The following KIAA1210 variants were observed in gnomAD, a reference collection of about 807,000 sequenced individuals.
The protein encoded by KIAA1210 is KIAA1210, also known as acrosomal protein KIAA1210.
KIAA1210 carries 48 observed loss-of-function variants against 78.9 expected under a neutral mutation model. The observed-to-expected ratio is 0.61, with a 90% CI of 0.48 to 0.77. The LOEUF (loss-of-function observed/expected upper bound fraction) is 0.77, where lower values mean the gene tolerates loss of function less well. Among genes scored for constraint, KIAA1210 ranks in the 30% least tolerant of loss-of-function variants. KIAA1210 has a pLI of 0.00. For synonymous variants in KIAA1210, 406 were observed against 404.5 expected (o/e 1.00, Z -0.04); for missense variants, 1,108 against 1,100.0 (o/e 1.01, Z -0.10).
upstream of KIAA1210, among the ~76,000 whole-genome samples, chrX:119,131,897 A>C (rs550469545): frequency 1.8e-5 from 2 of 112,417 alleles, no homozygotes; most frequent in Admixed American, 1.9e-4. Flanking sequence ...CAACACAGGA[A>C]GACCCGTCTC....
upstream of KIAA1210, among the ~76,000 whole-genome samples, chrX:119,130,179 C>T (rs1335437248): frequency 8.9e-6 from 1 of 112,214 alleles, no homozygotes; most frequent in East Asian, 2.8e-4. Flanking sequence ...AAGTTCTTAA[C>T]ACTCAAGGCC....
intron 6 of KIAA1210, among the ~76,000 whole-genome samples, chrX:119,100,808 T>C (rs188353674): frequency 2.8e-4 from 31 of 112,485 alleles, no homozygotes; most frequent in Admixed American, 2.6e-3. Flanking sequence ...CTCCCACTTA[T>C]AAAGGAGAAC....
intron 7 of KIAA1210, 146 bp downstream of exon 7, chrX:119,096,348 G>T: frequency 2.0e-6 from 1 of 492,394 alleles, no homozygotes; most frequent in Non-Finnish European, 3.2e-6. Context: ...GGGGTGTCAA[G>T]CTTAGGACAG....
intron 3 of KIAA1210, among the ~76,000 whole-genome samples, chrX:119,111,406 C>A (rs1363556096): frequency 8.9e-6 from 1 of 111,770 alleles, no homozygotes; most frequent in Non-Finnish European, 1.9e-5. Context: ...ACATATACAC[C>A]ATGGAATACT....
Position 119,079,495 on chromosome X carries a change from A to T in KIAA1210, c.*1834T>A, listed in dbSNP as rs1049696771. The stretch of plus-strand genomic sequence containing the variant: ...CTAACTTCTAGTGAACCTAGATGAG[A>T]TTCTAGGGTGGTCTGCATCTCAGAA... On this transcript the variant is annotated 3_prime_UTR_variant, in exon 12 of 12. Coordinates refer to ENST00000691062, the MANE Select transcript of KIAA1210 (RefSeq NM_001394962.1). 1.8e-5 allele frequency: 2 copies of T among 112,006 alleles called. No homozygotes were observed. The highest frequency in any genetic ancestry group is 6.5e-5 in the African/African-American group (2 of 30,819). The allele number at this position is 112,006 out of a possible 1,213,427, so 9.2% of individuals were successfully genotyped here.
rs1341158769 is a variant in KIAA1210 at position 119,089,403 on chromosome X, C to A, written c.1299G>T (p.Gly433=). The change falls in exon 9 of 12, where the codon GGG becomes GGT. Residue 433 remains glycine (G), a synonymous_variant. Coordinates refer to ENST00000691062, the MANE Select transcript of KIAA1210 (RefSeq NM_001394962.1). The part of the protein sequence containing the change: ...TSQPETTTPQ[G]LLSDKDDMGR... Reference sequence around the variant, plus strand: ...CCATGTCATCTTTATCTGAAAGCAACCCCTGAGGGGTAGTGGTTTCTGGTT... The same window carrying A: ...CCATGTCATCTTTATCTGAAAGCAAACCCTGAGGGGTAGTGGTTTCTGGTT... 17 of 1,211,661 alleles carry A rather than the reference C, an allele frequency of 1.4e-5. No homozygotes were observed. Among genetic ancestry groups the A allele is most frequent in the Non-Finnish European group, 1.9e-5 (17 of 895,415 alleles).
chrX:119,143,994 G>T (rs746332365), intron 2 of KIAA1210, among the ~76,000 whole-genome samples: 1 of 112,349 alleles, frequency 8.9e-6, no homozygotes, highest in Non-Finnish European at 1.9e-5. Flanking sequence ...TATTTTCCAC[G>T]TGTGTACATA....
rs755756915 is a variant in KIAA1210 at position 119,081,302 on chromosome X, A to AATGCTG, written c.*21_*26dup. Reference sequence around the variant, plus strand: ...AAAAAAAAAAAAACTAAATAAAATAAATGCTGATGCTCCACACAAGAGCTC... The same window carrying AATGCTG: ...AAAAAAAAAAAAACTAAATAAAATAAATGCTGATGCTGATGCTCCACACAAGAGCTC... On this transcript the variant is annotated 3_prime_UTR_variant, in exon 12 of 12. Coordinates refer to ENST00000691062, the MANE Select transcript of KIAA1210 (RefSeq NM_001394962.1). 2.8e-6 allele frequency: 3 copies of AATGCTG among 1,078,035 alleles called. No homozygotes were observed. The highest frequency in any genetic ancestry group is 2.5e-6 in the Non-Finnish European group (2 of 811,469). The allele number at this position is 1,078,035 out of a possible 1,213,427, so 88.8% of individuals were successfully genotyped here. A position where few individuals can be genotyped will look rare whatever the true frequency, so the allele number is the denominator to read the frequency against.
chrX:119,102,204 T>G (rs186970393), intron 6 of KIAA1210, among the ~76,000 whole-genome samples: 2 of 112,736 alleles, frequency 1.8e-5, no homozygotes, highest in Non-Finnish European at 3.7e-5. Context: ...AACCTCAATT[T>G]TTTTTGATCT....
chrX:119,136,832 G>C (rs1406764991), intron 2 of KIAA1210, among the ~76,000 whole-genome samples: 1 of 112,003 alleles, frequency 8.9e-6, no homozygotes, highest in Non-Finnish European at 1.9e-5. Flanking sequence ...CAGCTCAGCA[G>C]AGGCAGCTCC....
At chrX:119,140,531 T>TAAA (rs5903548) in intron 2 of KIAA1210, among the ~76,000 whole-genome samples, 84 of 62,643 alleles carry the variant, frequency 1.3e-3, no homozygotes, top group African/African-American at 3.0e-3. Flanking sequence ...GACTCTTTCT[T>TAAA]AAAAAAAAAA....
intron 3 of KIAA1210, 50 bp downstream of exon 3, chrX:119,116,446 T>C (rs7877824): frequency 0.023 from 27,036 of 1,159,879 alleles, 1,208 homozygotes; most frequent in African/African-American, 0.22. Flanking sequence ...TAGATCCAAC[T>C]GCCTGCCTCT....
chrX:119,115,664 G>T (rs1259946917), intron 3 of KIAA1210, among the ~76,000 whole-genome samples: 1 of 112,213 alleles, frequency 8.9e-6, no homozygotes, highest in Non-Finnish European at 1.9e-5. Flanking sequence ...CGGGCAGCAG[G>T]ACTGGTGAGC....
At chrX:119,095,187 G>A (rs1927512775) in intron 7 of KIAA1210, among the ~76,000 whole-genome samples, 1 of 112,405 alleles carries the variant, frequency 8.9e-6, no homozygotes, top group Non-Finnish European at 1.9e-5. Flanking sequence ...TCACCTGGGT[G>A]TTTGACTTTG....
At position 119,087,851 on chromosome X, in the gene KIAA1210, T is replaced by A. The variant is rs766739461; in HGVS notation, c.2851A>T (p.Thr951Ser). Residue 951 changes from threonine to serine, a missense_variant, in exon 9 of 12, where the codon ACT becomes TCT. Thr to Ser is a moderately conservative substitution (Grantham distance 58). Around this residue, in one of 5 missense-constraint regions of KIAA1210, gnomAD observed 179 missense variants for 174.1 expected, o/e 1.03. Coordinates refer to ENST00000691062, the MANE Select transcript of KIAA1210 (RefSeq NM_001394962.1). Reference protein sequence around the residue: ...QLLPRHLSQLTVGNKVQQLSS... With the variant: ...QLLPRHLSQLSVGNKVQQLSS... ...AGTTGCTGGACTTTATTTCCCACAG[T>A]CAACTGGGAAAGATGTCTGGGAAGC... The A allele has an allele frequency of 4.1e-6, 5 of 1,211,159 alleles. No homozygotes were observed. The highest frequency in any genetic ancestry group is 5.6e-6 in the Non-Finnish European group (5 of 895,017).
chrX:119,113,569 C>T (rs145001564), intron 3 of KIAA1210, among the ~76,000 whole-genome samples: 29 of 111,212 alleles, frequency 2.6e-4, no homozygotes, highest in Admixed American at 3.8e-4. Context: ...TGCTACTGGG[C>T]GCAGGGTTTC....
At position 119,113,488 on chromosome X, in the gene KIAA1210, C is replaced by A. The variant is rs111938917; in HGVS notation, c.230+3008G>T. 4.5e-3 allele frequency among the ~76,000 whole-genome samples: 501 copies of A among 111,213 alleles called. 1 individual carries two copies. The highest frequency in any genetic ancestry group is 0.015 in the African/African-American group (473 of 30,632). ...TATAATTCATTCATGGGAAATGTTC[C>A]CAATAGGCAAATCCATAGAGGCAGA... On this transcript the variant is annotated intron_variant, in intron 3 of 11. Transcript: ENST00000691062.
intron 3 of KIAA1210, among the ~76,000 whole-genome samples, chrX:119,113,882 T>C (rs1275412341): frequency 1.4e-4 from 16 of 111,648 alleles, no homozygotes; most frequent in African/African-American, 4.9e-4. Flanking sequence ...TGAAACAACC[T>C]TTGTATGATT....
chrX:119,094,937 T>C (rs900219415), intron 7 of KIAA1210, among the ~76,000 whole-genome samples: 1 of 111,779 alleles, frequency 8.9e-6, no homozygotes, highest in Non-Finnish European at 1.9e-5. Flanking sequence ...GGATAATGCA[T>C]GTATAGGGTT....
Sources: gnomAD v4.1 joint callset for allele counts (sites outside exome capture counted in the v4.1 genomes callset) on GRCh38, gnomAD v4.1.1 for gene constraint, gnomAD v4.1.1 regional missense constraint, MANE v1.5 for transcripts, NCBI Gene and HGNC (gene_info 2026-07-23, HGNC 2026-07-21) for gene names.